The following MACROD2 variants were observed in gnomAD, a reference collection of about 807,000 sequenced individuals.
The protein encoded by MACROD2 is ADP-ribose glycohydrolase MACROD2.
MACROD2 carries 36 observed loss-of-function variants against 70.4 expected under a neutral mutation model. That is an observed-to-expected ratio of 0.51 (90% CI 0.39 to 0.68). MACROD2 has a LOEUF of 0.68. Among genes scored for constraint, MACROD2 ranks in the 30% least tolerant of loss-of-function variants. The pLI, the probability that MACROD2 is intolerant of heterozygous loss-of-function variation, is 0.00. For missense variants in MACROD2, 496 were observed against 538.4 expected (o/e 0.92, Z 0.78); for synonymous variants, 172 against 178.8 (o/e 0.96, Z 0.30).
At chr20:14,316,883 A>G (rs923652731) in intron 3 of MACROD2, among the ~76,000 whole-genome samples, 3 of 152,156 alleles carry the variant, frequency 2.0e-5, no homozygotes, top group African/African-American at 7.2e-5. Context: ...TGACAGTCTG[A>G]TCCCCACACC....
chr20:15,616,098 CTTTTTTTTTTT>C (rs34011264), intron 8 of MACROD2, among the ~76,000 whole-genome samples: 3 of 111,204 alleles, frequency 2.7e-5, no homozygotes, highest in Admixed American at 9.4e-5. Flanking sequence ...GTTCCCCATT[CTTTTTTTTTTT>C]TTTTTTTTTT....
chr20:14,049,999 G>C (rs992318482), intron 2 of MACROD2, among the ~76,000 whole-genome samples: 4 of 150,212 alleles, frequency 2.7e-5, no homozygotes, highest in African/African-American at 9.8e-5. Flanking sequence ...CAGGAGAATC[G>C]CTTCAACCCG....
At chr20:14,886,288 G>A (rs1053331323) in intron 5 of MACROD2, among the ~76,000 whole-genome samples, 9 of 152,158 alleles carry the variant, frequency 5.9e-5, no homozygotes, top group Non-Finnish European at 8.8e-5. Flanking sequence ...ATGGGCCACT[G>A]TGTTTAAGGC....
chr20:14,741,331 A>C (rs1259283655), intron 5 of MACROD2, among the ~76,000 whole-genome samples: 2 of 152,266 alleles, frequency 1.3e-5, no homozygotes, highest in Middle Eastern at 3.4e-3. Flanking sequence ...ATAAGCAGTA[A>C]TATTTTTTAA....
intron 3 of MACROD2, among the ~76,000 whole-genome samples, chr20:14,289,821 G>A (rs1036879180): frequency 2.0e-5 from 3 of 152,162 alleles, no homozygotes. Context: ...GATTACAGGT[G>A]TGTGCCACCA....
At chr20:14,359,664 G>A (rs1365537624) in intron 3 of MACROD2, among the ~76,000 whole-genome samples, 1 of 152,094 alleles carries the variant, frequency 6.6e-6, no homozygotes, top group African/African-American at 2.4e-5. Context: ...TTGAGTTCAG[G>A]AGTTTGAGAC....
At chr20:15,269,880 T>G (rs972722451) in intron 6 of MACROD2, among the ~76,000 whole-genome samples, 1 of 152,220 alleles carries the variant, frequency 6.6e-6, no homozygotes, top group African/African-American at 2.4e-5. Context: ...AATTAATTAA[T>G]TAATTCAATA....
Position 14,326,126 on chromosome 20 carries a change from G to C in MACROD2, c.272-167353G>C, listed in dbSNP as rs763437016. On this transcript the variant is annotated intron_variant, in intron 3 of 17. Transcript: ENST00000684519. This position sits in a 1 kb window ranked among gnomAD's most constrained non-coding sequence, Gnocchi z 5.5. Reference sequence around the variant, plus strand: ...AGGGCTGTGACCAAGTACTCACTGCGTTCCCCTGTTACAATTGTTTCTGTT... The same window carrying C: ...AGGGCTGTGACCAAGTACTCACTGCCTTCCCCTGTTACAATTGTTTCTGTT... The C allele has an allele frequency of 6.2e-7, 1 of 1,613,830 alleles. No homozygotes were observed. The highest frequency in any genetic ancestry group is 1.1e-5 in the South Asian group (1 of 91,066).
intron 8 of MACROD2, among the ~76,000 whole-genome samples, chr20:15,819,091 C>G (rs1276743216): frequency 6.6e-6 from 1 of 151,542 alleles, no homozygotes; most frequent in Non-Finnish European, 1.5e-5. Flanking sequence ...GTAAAGATAT[C>G]TGCATTTTCA....
At chr20:14,973,850 T>C (rs1434166924) in intron 5 of MACROD2, among the ~76,000 whole-genome samples, 1 of 152,170 alleles carries the variant, frequency 6.6e-6, no homozygotes, top group Non-Finnish European at 1.5e-5. Flanking sequence ...AAGACATTTT[T>C]ACTATTAAAA....
intron 8 of MACROD2, among the ~76,000 whole-genome samples, chr20:15,859,847 G>T (rs899930356): frequency 1.3e-5 from 2 of 151,168 alleles, no homozygotes; most frequent in Non-Finnish European, 2.9e-5. Flanking sequence ...AATGATAAAA[G>T]GCAGATTATA....
chr20:15,379,866 A>G (rs1420114982), intron 6 of MACROD2, among the ~76,000 whole-genome samples: 4 of 152,218 alleles, frequency 2.6e-5, no homozygotes, highest in Non-Finnish European at 5.9e-5. Flanking sequence ...AGGGCATCCC[A>G]TGACACATAG....
chr20:14,342,764 A>G (rs1455807831), intron 3 of MACROD2, among the ~76,000 whole-genome samples: 1 of 152,218 alleles, frequency 6.6e-6, no homozygotes, highest in African/African-American at 2.4e-5. Flanking sequence ...AAAAACAATC[A>G]CATAACCCTT....
intron 12 of MACROD2, among the ~76,000 whole-genome samples, 160 bp downstream of exon 12, chr20:15,937,704 TG>T (rs1378316749): frequency 6.7e-6 from 1 of 150,132 alleles, no homozygotes; most frequent in Admixed American, 6.7e-5. Context: ...TCTCTTTTAT[TG>T]CATACCTAGC....
Position 14,789,460 on chromosome 20 carries a change from AT to A in MACROD2, c.418+104533del, listed in dbSNP as rs3045609. 2.4e-3 allele frequency among the ~76,000 whole-genome samples: 118 copies of A among 48,344 alleles called. 2 individuals carry two copies. The highest frequency in any genetic ancestry group is 0.023 in the Middle Eastern group (1 of 44). The allele number at this position is 48,344 out of a possible 152,430, so 31.7% of individuals were successfully genotyped here. On this transcript the variant is annotated intron_variant, in intron 5 of 17. Coordinates refer to ENST00000684519, the MANE Select transcript of MACROD2 (RefSeq NM_001351661.2). ...CTTGTGGATTAATCAGGTAGTGCAAATTTTTTTTTTTTTTTTTTTTTTTTTT... is the reference window on the plus strand; with the variant it reads ...CTTGTGGATTAATCAGGTAGTGCAAATTTTTTTTTTTTTTTTTTTTTTTTT...
At chr20:14,940,952 G>T (rs1014094674) in intron 5 of MACROD2, among the ~76,000 whole-genome samples, 1 of 152,034 alleles carries the variant, frequency 6.6e-6, no homozygotes, top group Non-Finnish European at 1.5e-5. Flanking sequence ...TTTTTTTGAA[G>T]AATTTGAGTA....
In MACROD2 at chr20:16,050,828, A is replaced by AAAT. The variant is rs1320818920; in HGVS notation, c.*952_*953insAAT. 1 of 152,290 alleles carries AAAT rather than the reference A, an allele frequency of 6.6e-6. No homozygotes were observed. Among genetic ancestry groups the AAAT allele is most frequent in the East Asian group, 1.9e-4 (1 of 5,208 alleles). 9.4% of individuals were successfully genotyped at this position (152,290 alleles called of 1,614,324 possible). On this transcript the variant is annotated 3_prime_UTR_variant, in exon 18 of 18. Transcript: ENST00000684519. ...ATCCTGTCTTCACCCAAGGCTTGACAGCCCACAGAGTGGTCTCATTTGAAA... is the reference window on the plus strand; with the variant it reads ...ATCCTGTCTTCACCCAAGGCTTGACAAATGCCCACAGAGTGGTCTCATTTGAAA...
chr20:14,918,023 A>C (rs549133668), intron 5 of MACROD2, among the ~76,000 whole-genome samples: 1 of 152,002 alleles, frequency 6.6e-6, no homozygotes, highest in East Asian at 1.9e-4. Context: ...CCCAGGCTGG[A>C]GTGCAATGGT....
chr20:14,579,463 A>G (rs1980860851), intron 4 of MACROD2, among the ~76,000 whole-genome samples: 1 of 152,180 alleles, frequency 6.6e-6, no homozygotes, highest in Non-Finnish European at 1.5e-5. Flanking sequence ...TTCTTAATAC[A>G]CACTCTTTGA....
Sources: gnomAD v4.1 joint callset for allele counts (sites outside exome capture counted in the v4.1 genomes callset) on GRCh38, gnomAD v4.1.1 for gene constraint, Gnocchi (gnomAD v3.1) non-coding constraint, MANE v1.5 for transcripts, NCBI Gene and HGNC (gene_info 2026-07-23, HGNC 2026-07-21) for gene names.